The following FGF14 variants were observed in gnomAD, a reference collection of about 807,000 sequenced individuals.
The protein encoded by FGF14 is fibroblast growth factor 14.
A neutral mutation model predicts 25.5 loss-of-function variants in FGF14; 5 were observed. The ratio of observed to expected loss-of-function variants is 0.20; its 90% CI spans 0.10 to 0.41. The LOEUF is 0.41. Among genes scored for constraint, FGF14 ranks in the 10% least tolerant of loss-of-function variants. The probability of loss-of-function intolerance (pLI) is 1.00; values close to 1 mark genes in which losing one functional copy is unlikely to be tolerated. For missense variants in FGF14, 222 were observed against 320.1 expected, an observed-to-expected ratio of 0.69 and a Z score of 2.34; for synonymous variants, 138 against 118.3, an observed-to-expected ratio of 1.17 and a Z score of -1.08.
At chr13:101,979,025 T>C (rs2038096561) in intron 1 of FGF14, among the ~76,000 whole-genome samples, 1 of 152,188 alleles carries the variant, frequency 6.6e-6, no homozygotes, top group African/African-American at 2.4e-5. Context: ...GCTTGTCACC[T>C]TAAACCCTTT....
At chr13:102,042,753 T>TA (rs895337136) in intron 1 of FGF14, among the ~76,000 whole-genome samples, 4 of 152,230 alleles carry the variant, frequency 2.6e-5, no homozygotes, top group Non-Finnish European at 5.9e-5. Context: ...TAGGAGAATA[T>TA]AAAAAACAGA....
chr13:101,752,621 G>A (rs1285016453), intron 3 of FGF14, among the ~76,000 whole-genome samples: 2 of 152,170 alleles, frequency 1.3e-5, no homozygotes, highest in African/African-American at 4.8e-5. Flanking sequence ...TTACGCAGTG[G>A]AAAGTGAGCC....
At chr13:101,808,318 T>C (rs1403085259) in intron 3 of FGF14, among the ~76,000 whole-genome samples, 1 of 152,088 alleles carries the variant, frequency 6.6e-6, no homozygotes, top group Admixed American at 6.6e-5. Context: ...TTTCATCTTT[T>C]CTTTTCTTTC....
At chr13:101,871,297 G>A (rs751317525) in intron 2 of FGF14, among the ~76,000 whole-genome samples, 25 of 152,158 alleles carry the variant, frequency 1.6e-4, no homozygotes, top group Admixed American at 5.9e-4. Flanking sequence ...AACTCTGGCC[G>A]CACGTTAAAA....
intron 1 of FGF14, among the ~76,000 whole-genome samples, chr13:102,201,297 A>G (rs947657988): frequency 6.6e-6 from 1 of 152,042 alleles, no homozygotes; most frequent in Non-Finnish European, 1.5e-5. Context: ...AGTAAAGACA[A>G]CATGGAGAGA....
At chr13:102,374,688 A>G (rs1441521655) in intron 1 of FGF14, among the ~76,000 whole-genome samples, 1 of 117,366 alleles carries the variant, frequency 8.5e-6, no homozygotes, top group African/African-American at 3.4e-5. Flanking sequence ...ATATATATAT[A>G]TATATATATG....
At chr13:102,116,335 T>C (rs1294728453) in intron 1 of FGF14, among the ~76,000 whole-genome samples, 2 of 152,124 alleles carry the variant, frequency 1.3e-5, no homozygotes, top group African/African-American at 2.4e-5. Context: ...TGCCATATGA[T>C]CAGTAATTTT....
At chr13:102,035,006 C>T (rs1224855104) in intron 1 of FGF14, among the ~76,000 whole-genome samples, 4 of 152,056 alleles carry the variant, frequency 2.6e-5, no homozygotes, top group African/African-American at 9.7e-5. Flanking sequence ...TGTTTCCACC[C>T]CATCACGCCA....
rs2034576194 is a variant in FGF14, at chr13:101,713,522, G to T, written c.*9309C>A. 1.3e-5 allele frequency: 2 copies of T among 152,148 alleles called. No homozygotes were observed. Among genetic ancestry groups the T allele is most frequent in the African/African-American group, 2.4e-5 (1 of 41,444 alleles). 9.4% of individuals were successfully genotyped at this position (152,148 alleles called of 1,614,324 possible). A position where few individuals can be genotyped will look rare whatever the true frequency, so the allele number is the denominator to read the frequency against. On this transcript the variant is annotated 3_prime_UTR_variant, in exon 5 of 5. Coordinates refer to ENST00000376143, the MANE Select transcript of FGF14 (RefSeq NM_004115.4). ...CCAACCCAAGGAAACAGAAGGAAAA[G>T]AAAGTCCTTTTTATTTGTTTCTTTT...
chr13:102,086,489 CACT>C (rs1421018116), intron 1 of FGF14, among the ~76,000 whole-genome samples: 2 of 152,104 alleles, frequency 1.3e-5, no homozygotes, highest in Admixed American at 1.3e-4. Flanking sequence ...GAGATCGAGC[CACT>C]GCACTCCATC....
chr13:101,966,755 A>G (rs1365354818), intron 1 of FGF14, among the ~76,000 whole-genome samples: 1 of 152,122 alleles, frequency 6.6e-6, no homozygotes, highest in African/African-American at 2.4e-5. Flanking sequence ...TGCTGGGATT[A>G]CAGGCGTCAG....
chr13:102,001,611 A>G (rs1244919150), intron 1 of FGF14, among the ~76,000 whole-genome samples: 1 of 152,238 alleles, frequency 6.6e-6, no homozygotes, highest in Non-Finnish European at 1.5e-5. Context: ...ATATAGATAA[A>G]GAGATATACT....
At chr13:101,836,025 T>C (rs554456524) in intron 3 of FGF14, among the ~76,000 whole-genome samples, 11 of 151,984 alleles carry the variant, frequency 7.2e-5, no homozygotes, top group African/African-American at 2.4e-4. Context: ...GAATCCATAA[T>C]AGTGATAAGC....
intron 1 of FGF14, among the ~76,000 whole-genome samples, chr13:102,190,785 T>C (rs1371745293): frequency 6.6e-6 from 1 of 152,174 alleles, no homozygotes; most frequent in Non-Finnish European, 1.5e-5. Flanking sequence ...TAAATCAACA[T>C]TTTAAGAACT....
chr13:101,885,552 C>T (rs574482340), intron 1 of FGF14, among the ~76,000 whole-genome samples: 82 of 152,278 alleles, frequency 5.4e-4, no homozygotes, highest in South Asian at 3.9e-3. Flanking sequence ...CATTTTGGCA[C>T]ACTCCTTTCG....
chr13:102,020,923 A>C (rs199915992), intron 1 of FGF14, among the ~76,000 whole-genome samples: 17 of 60,500 alleles, frequency 2.8e-4, no homozygotes, highest in Non-Finnish European at 4.7e-4. Context: ...ACACAGAGAT[A>C]AAAAAAAAAA....
Position 101,720,027 on chromosome 13 carries a change from C to A in FGF14, c.*2804G>T, listed in dbSNP as rs1274757032. On this transcript the variant is annotated 3_prime_UTR_variant, in exon 5 of 5. Transcript: ENST00000376143. ...TGAGTAATGCAATGCCATTTTGTTACATAAAGTTGTTTGATGTTTTTTAAT... is the reference window on the plus strand; with the variant it reads ...TGAGTAATGCAATGCCATTTTGTTAAATAAAGTTGTTTGATGTTTTTTAAT... 1 of 152,086 alleles carries A rather than the reference C, an allele frequency of 6.6e-6. No homozygotes were observed. Among genetic ancestry groups the A allele is most frequent in the Non-Finnish European group, 1.5e-5 (1 of 68,002 alleles). The allele number at this position is 152,086 out of a possible 1,614,324, so 9.4% of individuals were successfully genotyped here.
Position 102,278,627 on chromosome 13 carries a change from A to AATATATATATATAT in FGF14, c.208+122830_208+122843dup, listed in dbSNP as rs10578533. On this transcript the variant is annotated intron_variant, in intron 1 of 4. Coordinates refer to the FGF14 transcript ENST00000376131. The stretch of plus-strand genomic sequence containing the variant: ...GTGTCACTCTACATACATTTTATGT[A>AATATATATATATAT]ATATATATATATATATATACATACA... Among the ~76,000 whole-genome samples the AATATATATATATAT allele has an allele frequency of 9.8e-3, 1,443 of 147,460 alleles. 17 individuals carry two copies. Among genetic ancestry groups the AATATATATATATAT allele is most frequent in the East Asian group, 0.056 (278 of 4,968 alleles).
chr13:101,889,868 A>G (rs936129622), intron 1 of FGF14, among the ~76,000 whole-genome samples: 1 of 152,182 alleles, frequency 6.6e-6, no homozygotes, highest in Non-Finnish European at 1.5e-5. Context: ...GCCTATGCTC[A>G]TGCATTTTTA....
Sources: gnomAD v4.1 joint callset for allele counts (sites outside exome capture counted in the v4.1 genomes callset) on GRCh38, gnomAD v4.1.1 for gene constraint, MANE v1.5 for transcripts, NCBI Gene and HGNC (gene_info 2026-07-23, HGNC 2026-07-21) for gene names.